GTF2IRD1: variants seen among roughly 807,000 people sequenced by gnomAD.
The protein encoded by GTF2IRD1 is general transcription factor II-I repeat domain-containing protein 1.
GTF2IRD1 carries 26 observed loss-of-function variants against 113.2 expected under a neutral mutation model. The observed-to-expected ratio is 0.23, with a 90% CI of 0.17 to 0.32. The LOEUF (loss-of-function observed/expected upper bound fraction) is 0.32. GTF2IRD1 is among the 10% of genes least tolerant of loss of function. The probability of loss-of-function intolerance (pLI) is 1.00; values close to 1 mark genes in which losing one functional copy is unlikely to be tolerated. For missense variants in GTF2IRD1, 864 were observed against 1,280.8 expected (o/e 0.67, Z 4.97); for synonymous variants, 484 against 529.1 (o/e 0.91, Z 1.17).
chr7:74,559,323 C>A (rs1321586931), intron 21 of GTF2IRD1, among the ~76,000 whole-genome samples: 1 of 152,184 alleles, frequency 6.6e-6, no homozygotes, highest in East Asian at 1.9e-4. Flanking sequence ...GCACCCCCAG[C>A]CCCCGGGAAA....
intron 22 of GTF2IRD1, among the ~76,000 whole-genome samples, chr7:74,564,814 G>T (rs745933147): frequency 6.6e-6 from 1 of 152,086 alleles, no homozygotes; most frequent in Non-Finnish European, 1.5e-5. Context: ...CATCACGTTT[G>T]CCTTCAGTGC....
chr7:74,549,219 C>T (rs1300124939), intron 17 of GTF2IRD1, among the ~76,000 whole-genome samples: 2 of 150,882 alleles, frequency 1.3e-5, no homozygotes, highest in Non-Finnish European at 2.9e-5. Context: ...ACAAGAATCA[C>T]TTGAACCCGG....
Position 74,466,067 on chromosome 7 carries a change from G to A in GTF2IRD1, c.-7+11891G>A, listed in dbSNP as rs544926801. ...ATTATAGGCATGAGCCACTGCACCC[G>A]GACAGCATGCCTCGGTTTCTGCTTC... On this transcript the variant is annotated intron_variant, in intron 1 of 26. Transcript: ENST00000424337. Among the ~76,000 whole-genome samples, 30 of 152,312 alleles carry A rather than the reference G, an allele frequency of 2.0e-4. No individual in the cohort carries two copies. The South Asian group carries it at 2.5e-3, about 13-fold the overall frequency.
rs782622641 is a variant in GTF2IRD1, at chr7:74,589,918, C to T, written c.2388C>T (p.Asn796=). The change falls in exon 23 of 27, where the codon AAC becomes AAT. Residue 796 remains asparagine, a synonymous_variant. Transcript: ENST00000424337. ...GGGAGCAGGTGAAGGAACTCTTCAA[C>T]GAGAAATACGGTCAGTGCCTGTGGT... ...ILREQVKELF[N]EKYGEALGLN... is the part of the protein sequence containing the mutation. 2.1e-5 allele frequency: 34 copies of T among 1,604,704 alleles called. No homozygotes were observed. In the African/African-American group the frequency reaches 2.1e-4, roughly 10 times the overall value.
rs587648705 is a variant in GTF2IRD1, at chr7:74,555,738, C to T, written c.2023+244C>T. ...GGGAGCCCAGGAGCCTGCCTGCCCC[C>T]TCCCTGCCCCACCCCCCAGAGGTAG... is the stretch of plus-strand genomic sequence containing the variant. On this transcript the variant is annotated intron_variant, in intron 19 of 26. Coordinates refer to ENST00000424337, the MANE Select transcript of GTF2IRD1 (RefSeq NM_005685.4). The surrounding 1 kb of genome is among the most constrained non-coding windows in gnomAD (Gnocchi z 5.3). Among the ~76,000 whole-genome samples the T allele has an allele frequency of 2.2e-4, 34 of 152,302 alleles. No homozygotes were observed. The South Asian group carries it at 5.8e-3, about 26-fold the overall frequency.
chr7:74,477,043 C>G (rs1396406482), intron 1 of GTF2IRD1, among the ~76,000 whole-genome samples: 1 of 152,044 alleles, frequency 6.6e-6, no homozygotes, highest in Non-Finnish European at 1.5e-5. Flanking sequence ...TGAAAGGGCT[C>G]TGGAAGATGG....
At chr7:74,574,150 A>ATTTTTTTT (rs71094796) in intron 22 of GTF2IRD1, among the ~76,000 whole-genome samples, 87 of 104,808 alleles carry the variant, frequency 8.3e-4, no homozygotes, top group African/African-American at 2.3e-3. Context: ...CACCAAGCTA[A>ATTTTTTTT]TTTTTTTTTT....
intron 1 of GTF2IRD1, among the ~76,000 whole-genome samples, chr7:74,494,806 C>T (rs1795565175): frequency 1.3e-5 from 2 of 152,072 alleles, no homozygotes; most frequent in Admixed American, 1.3e-4. Flanking sequence ...GGCTGGAGAG[C>T]AGTGGTGTGA....
rs1165378230 is a variant in GTF2IRD1 at position 74,576,617 on chromosome 7, C to CTTTTTTTTTT, written c.2321-13211_2321-13202dup. Among the ~76,000 whole-genome samples the CTTTTTTTTTT allele has an allele frequency of 3.6e-4, 18 of 49,350 alleles. 3 individuals are homozygous for CTTTTTTTTTT. The highest frequency in any genetic ancestry group is 4.8e-4 in the Non-Finnish European group (14 of 28,924). The allele number at this position is 49,350 out of a possible 152,430, so 32.4% of individuals were successfully genotyped here. On this transcript the variant is annotated intron_variant, in intron 22 of 26. Coordinates refer to ENST00000424337, the MANE Select transcript of GTF2IRD1 (RefSeq NM_005685.4). ...TCTAGGGGAAAATCTATTTCCTTGT[C>CTTTTTTTTTT]TTTTTTTTTTTTTTTTTTTTTTTTT... is the stretch of plus-strand genomic sequence containing the variant.
At chr7:74,528,920 T>TGGATGGAC (rs782584833) in intron 8 of GTF2IRD1, among the ~76,000 whole-genome samples, 4,874 of 101,980 alleles carry the variant, frequency 0.048, 357 homozygotes, top group African/African-American at 0.14. Context: ...GATGGATGGA[T>TGGATGGAC]GGACGGACAA....
intron 25 of GTF2IRD1, among the ~76,000 whole-genome samples, chr7:74,597,913 A>G (rs1284325636): frequency 1.3e-5 from 2 of 152,154 alleles, no homozygotes; most frequent in African/African-American, 4.8e-5. Context: ...ACCTTACCTG[A>G]GACCCAAGGC....
chr7:74,510,048 G>C (rs929618607), intron 2 of GTF2IRD1, among the ~76,000 whole-genome samples: 1 of 152,116 alleles, frequency 6.6e-6, no homozygotes. Flanking sequence ...CCTTCAAGCT[G>C]TTCCTGCTGT....
intron 1 of GTF2IRD1, among the ~76,000 whole-genome samples, chr7:74,465,862 T>G (rs1214167414): frequency 6.6e-6 from 1 of 152,122 alleles, no homozygotes; most frequent in Non-Finnish European, 1.5e-5. Context: ...CTCTACCTCC[T>G]GGGTTCAAGT....
intron 2 of GTF2IRD1, 138 bp downstream of exon 2, chr7:74,508,341 C>T (rs781998432): frequency 3.3e-5 from 28 of 848,860 alleles, no homozygotes; most frequent in Middle Eastern, 2.3e-4. Flanking sequence ...GCTAGGGCCA[C>T]GATGCCTGCA....
chr7:74,488,799 G>C (rs1291701936), intron 1 of GTF2IRD1, among the ~76,000 whole-genome samples: 1 of 151,130 alleles, frequency 6.6e-6, no homozygotes, highest in Non-Finnish European at 1.5e-5. Flanking sequence ...GTCCTGGGGG[G>C]GTAAAAAAGG....
intron 6 of GTF2IRD1, among the ~76,000 whole-genome samples, chr7:74,520,032 T>A (rs1228086991): frequency 7.1e-6 from 1 of 141,076 alleles, no homozygotes; most frequent in East Asian, 2.1e-4. Context: ...TGAGGCTGCA[T>A]TGAGCTATGA....
chr7:74,584,541 A>G (rs1369551121), intron 22 of GTF2IRD1, among the ~76,000 whole-genome samples: 1 of 152,222 alleles, frequency 6.6e-6, no homozygotes, highest in Non-Finnish European at 1.5e-5. Context: ...TAAATAGAGT[A>G]GAGGAAGTCA....
chr7:74,472,552 G>T (rs1246228108), intron 1 of GTF2IRD1, among the ~76,000 whole-genome samples: 11 of 152,172 alleles, frequency 7.2e-5, no homozygotes, highest in Non-Finnish European at 1.5e-4. Context: ...TTCGAGAGCA[G>T]CCTGGGCAAC....
rs892997401 is a variant in GTF2IRD1, at chr7:74,602,105, G to A, written c.2767-260G>A. 1.0e-5 allele frequency: 3 copies of A among 299,772 alleles called. No homozygotes were observed. In the East Asian group the frequency reaches 1.8e-4, roughly 18 times the overall value. The allele number at this position is 299,772 out of a possible 1,614,324, so 18.6% of individuals were successfully genotyped here. On this transcript the variant is annotated intron_variant, in intron 26 of 26. Transcript: ENST00000424337. ...AAAAATAGAAAAATTAGCCGGGCAT[G>A]GTGGCGGGCGCCTATAATCCCAGCT... is the stretch of plus-strand genomic sequence containing the variant.
Sources: gnomAD v4.1 joint callset for allele counts (sites outside exome capture counted in the v4.1 genomes callset) on GRCh38, gnomAD v4.1.1 for gene constraint, Gnocchi (gnomAD v3.1) non-coding constraint, MANE v1.5 for transcripts, NCBI Gene and HGNC (gene_info 2026-07-23, HGNC 2026-07-21) for gene names.